STK3: variants seen among roughly 807,000 people sequenced by gnomAD.
The protein encoded by STK3 is serine/threonine-protein kinase 3.
In STK3, 41 loss-of-function variants were observed where a neutral mutation model predicts 58.0. The observed-to-expected ratio is 0.71, with a 90% CI of 0.55 to 0.92. The LOEUF (loss-of-function observed/expected upper bound fraction) is 0.92. Ranked by LOEUF, STK3 falls within the 40% of genes least tolerant of loss-of-function variation. The pLI is 0.00. For missense variants in STK3, 479 were observed against 602.7 expected, an observed-to-expected ratio of 0.79 and a Z score of 2.15; for synonymous variants, 170 against 191.0, an observed-to-expected ratio of 0.89 and a Z score of 0.91.
intron 4 of STK3, among the ~76,000 whole-genome samples, chr8:98,739,580 CA>C (rs1261359011): frequency 3.4e-5 from 5 of 146,206 alleles, no homozygotes; most frequent in Non-Finnish European, 6.0e-5. Flanking sequence ...ACATCCACAC[CA>C]AAAACCCATC....
rs1276982970 is a variant in STK3, at chr8:98,767,382, C to G, written c.108-11G>C. 3.2e-6 allele frequency: 5 copies of G among 1,577,156 alleles called. No individual in the cohort carries two copies. The African/African-American group carries it at 6.9e-5, about 22-fold the overall frequency. On this transcript the variant is annotated splice_polypyrimidine_tract_variant and intron_variant, in intron 2 of 10. Transcript: ENST00000419617. Reference sequence around the variant, plus strand: ...ACACTTCCATAAGACCTAAAAGAAACCAAGACATTATTTTTTTCCTATCAA... The same window carrying G: ...ACACTTCCATAAGACCTAAAAGAAAGCAAGACATTATTTTTTTCCTATCAA...
At chr8:98,790,981 CT>C (rs1387712721) in intron 1 of STK3, among the ~76,000 whole-genome samples, 2 of 147,318 alleles carry the variant, frequency 1.4e-5, no homozygotes, top group African/African-American at 5.0e-5. Context: ...GAGACTCCGT[CT>C]CAAAAAAAAA....
intron 1 of STK3, among the ~76,000 whole-genome samples, chr8:98,933,325 C>A (rs932418462): frequency 6.6e-6 from 1 of 151,988 alleles, no homozygotes; most frequent in Non-Finnish European, 1.5e-5. Flanking sequence ...GTATACAGAC[C>A]GAAAAACATT....
chr8:98,459,779 C>T (rs1186212654), intron 10 of STK3, among the ~76,000 whole-genome samples: 1 of 152,234 alleles, frequency 6.6e-6, no homozygotes, highest in Non-Finnish European at 1.5e-5. Context: ...TTGGTGGCTT[C>T]CACATGGTGT....
chr8:98,648,155 G>A (rs1178430038), intron 6 of STK3, among the ~76,000 whole-genome samples: 6 of 151,914 alleles, frequency 3.9e-5, no homozygotes, highest in Non-Finnish European at 4.4e-5. Flanking sequence ...AAATAACCAC[G>A]TACAAACATA....
chr8:98,921,069 C>T (rs754856926), intron 1 of STK3, among the ~76,000 whole-genome samples: 30 of 152,224 alleles, frequency 2.0e-4, no homozygotes, highest in Non-Finnish European at 3.8e-4. Flanking sequence ...GCAGATCAGC[C>T]TGGTGCAAAT....
intron 4 of STK3, among the ~76,000 whole-genome samples, chr8:98,742,969 TC>T (rs1305182658): frequency 6.6e-6 from 1 of 151,814 alleles, no homozygotes; most frequent in Non-Finnish European, 1.5e-5. Context: ...ATGAGTGAAT[TC>T]CCATTCACAA....
intron 1 of STK3, among the ~76,000 whole-genome samples, chr8:98,447,940 C>A (rs1360978745): frequency 8.2e-6 from 1 of 121,822 alleles, no homozygotes; most frequent in Non-Finnish European, 1.7e-5. Context: ...TGCACATGTA[C>A]CCTAAAACTT....
chr8:98,747,206 A>G (rs1047951540), intron 4 of STK3, among the ~76,000 whole-genome samples: 8 of 152,078 alleles, frequency 5.3e-5, no homozygotes, highest in African/African-American at 1.9e-4. Flanking sequence ...TAAAAAGCAT[A>G]AATATATGAG....
intron 4 of STK3, among the ~76,000 whole-genome samples, chr8:98,744,630 C>G (rs929621386): frequency 1.9e-4 from 28 of 149,668 alleles, no homozygotes; most frequent in Admixed American, 1.8e-3. Context: ...ATACCTAATG[C>G]TAAATGACGA....
At chr8:98,427,819 C>A in intron 3 of STK3, 1 of 611,018 alleles carries the variant, frequency 1.6e-6, no homozygotes. Context: ...CTTGCCCCAG[C>A]CCAGCCCTTC....
chr8:98,474,888 G>A (rs1821193496), intron 10 of STK3, among the ~76,000 whole-genome samples: 1 of 152,022 alleles, frequency 6.6e-6, no homozygotes, highest in African/African-American at 2.4e-5. Context: ...TATAGGACTG[G>A]GCCTTCTTTA....
At chr8:98,798,597 T>C (rs1657892690) in intron 1 of STK3, among the ~76,000 whole-genome samples, 1 of 152,254 alleles carries the variant, frequency 6.6e-6, no homozygotes, top group Admixed American at 6.5e-5. Context: ...AGACATACTC[T>C]AGAATCATCT....
Position 98,860,130 on chromosome 8 carries a change from G to A in STK3, c.110+23517C>T, listed in dbSNP as rs1419833527. ...TACTATGTGCGAGCCACTTTTCTAG[G>A]TGCTGGGATGTAGCGGTGAAAAAGA... On this transcript the variant is annotated intron_variant, in intron 3 of 12. Transcript: ENST00000523601. Among the ~76,000 whole-genome samples the A allele has an allele frequency of 3.3e-5, 5 of 152,106 alleles. No homozygotes were observed. In the South Asian group the frequency reaches 6.2e-4, roughly 19 times the overall value.
chr8:98,936,070 C>A (rs1313981331), intron 1 of STK3, among the ~76,000 whole-genome samples: 1 of 152,066 alleles, frequency 6.6e-6, no homozygotes. Flanking sequence ...TGCCCGCCAC[C>A]ACACCAGCTA....
At chr8:98,574,852 A>C (rs948519941) in intron 8 of STK3, among the ~76,000 whole-genome samples, 2 of 152,188 alleles carry the variant, frequency 1.3e-5, no homozygotes. Context: ...TGAGGTAGGA[A>C]TAGAACTTAG....
chr8:98,795,045 G>A (rs577790704), intron 1 of STK3, among the ~76,000 whole-genome samples: 60 of 105,330 alleles, frequency 5.7e-4, no homozygotes, highest in Admixed American at 1.7e-3. Context: ...TCCAGCCTGC[G>A]CAACAAGAGC....
At chr8:98,729,705 T>A (rs750977576) in intron 4 of STK3, among the ~76,000 whole-genome samples, 1 of 152,256 alleles carries the variant, frequency 6.6e-6, no homozygotes, top group African/African-American at 2.4e-5. Flanking sequence ...TGCCAGGTGT[T>A]ATTCTTTAAA....
chr8:98,911,748 G>T (rs1036512895), intron 1 of STK3, among the ~76,000 whole-genome samples: 8 of 151,864 alleles, frequency 5.3e-5, no homozygotes, highest in African/African-American at 1.9e-4. Context: ...ATTTTGAATG[G>T]GGGCCTTATA....
Sources: gnomAD v4.1 joint callset for allele counts (sites outside exome capture counted in the v4.1 genomes callset) on GRCh38, gnomAD v4.1.1 for gene constraint, MANE v1.5 for transcripts, NCBI Gene and HGNC (gene_info 2026-07-23, HGNC 2026-07-21) for gene names.